Variants in IPCEF1 observed in about 807,000 individuals in gnomAD.
IPCEF1 encodes interaction protein for cytohesin exchange factors 1.
IPCEF1 carries 31 observed loss-of-function variants against 50.9 expected under a neutral mutation model. The ratio of observed to expected loss-of-function variants is 0.61; its 90% CI spans 0.46 to 0.82. IPCEF1 has a LOEUF of 0.82. Ranked by LOEUF, IPCEF1 falls within the 40% of genes least tolerant of loss-of-function variation. The probability of loss-of-function intolerance (pLI) is 0.00; values close to 1 mark genes in which losing one functional copy is unlikely to be tolerated. For missense variants in IPCEF1, 458 were observed against 514.0 expected (o/e 0.89, Z 1.05); for synonymous variants, 181 against 192.0 (o/e 0.94, Z 0.47).
At chr6:154,343,940 C>CTAAA (rs1783972859) in intron 1 of IPCEF1, among the ~76,000 whole-genome samples, 1 of 152,158 alleles carries the variant, frequency 6.6e-6, no homozygotes, top group Non-Finnish European at 1.5e-5. Context: ...TCACATATCC[C>CTAAA]CACGTGTGTA....
At chr6:154,341,624 C>A (rs1356852180) in intron 1 of IPCEF1, among the ~76,000 whole-genome samples, 3 of 152,156 alleles carry the variant, frequency 2.0e-5, no homozygotes, top group African/African-American at 7.2e-5. Flanking sequence ...CAAGCTTCCT[C>A]CTTTTTCATC....
chr6:154,350,293 C>T (rs1784099085), intron 1 of IPCEF1, among the ~76,000 whole-genome samples: 1 of 152,184 alleles, frequency 6.6e-6, no homozygotes, highest in African/African-American at 2.4e-5. Context: ...TAAATATCCC[C>T]CCCAAATAGA....
At chr6:154,255,019 T>C (rs2128647908) in intron 3 of IPCEF1, among the ~76,000 whole-genome samples, 1 of 152,336 alleles carries the variant, frequency 6.6e-6, no homozygotes, top group South Asian at 2.1e-4. Context: ...ATGACTACTC[T>C]CTTGTTATTG....
intron 10 of IPCEF1, among the ~76,000 whole-genome samples, chr6:154,181,171 A>G (rs1402018173): frequency 6.6e-6 from 1 of 152,142 alleles, no homozygotes; most frequent in Admixed American, 6.6e-5. Flanking sequence ...GATATATTTA[A>G]ATTATTTAAT....
chr6:154,293,828 T>G (rs1471767252), intron 1 of IPCEF1, among the ~76,000 whole-genome samples: 3 of 152,244 alleles, frequency 2.0e-5, no homozygotes, highest in African/African-American at 7.2e-5. Context: ...GTTGCACTGA[T>G]GATTGTGCTT....
chr6:154,308,319 C>T (rs1308623113), intron 1 of IPCEF1, among the ~76,000 whole-genome samples: 1 of 151,760 alleles, frequency 6.6e-6, no homozygotes, highest in Non-Finnish European at 1.5e-5. Context: ...TGTTTTTTTT[C>T]GCAGTGTTGA....
intron 2 of IPCEF1, among the ~76,000 whole-genome samples, chr6:154,274,755 C>T (rs1782012520): frequency 6.6e-6 from 1 of 152,170 alleles, no homozygotes; most frequent in African/African-American, 2.4e-5. Flanking sequence ...ACACCCTGGC[C>T]AATCCTCCTC....
chr6:154,282,486 T>G (rs917906784), intron 2 of IPCEF1, among the ~76,000 whole-genome samples: 9 of 151,882 alleles, frequency 5.9e-5, no homozygotes, highest in South Asian at 2.1e-4. Context: ...ATCGAGACCA[T>G]CCTGGCTAAC....
At chr6:154,326,221 CAAA>C (rs75214985) in intron 1 of IPCEF1, among the ~76,000 whole-genome samples, 5 of 99,120 alleles carry the variant, frequency 5.0e-5, no homozygotes, top group Non-Finnish European at 6.6e-5. Flanking sequence ...GACCTTGTCT[CAAA>C]AAAAAAAAAA....
intron 1 of IPCEF1, among the ~76,000 whole-genome samples, chr6:154,333,355 A>C (rs1253056422): frequency 1.3e-5 from 2 of 151,848 alleles, no homozygotes; most frequent in Non-Finnish European, 2.9e-5. Flanking sequence ...AGGCAGACAA[A>C]TATGAAAAGG....
At chr6:154,170,549 C>T (rs1026149620) in intron 10 of IPCEF1, among the ~76,000 whole-genome samples, 1 of 152,240 alleles carries the variant, frequency 6.6e-6, no homozygotes, top group South Asian at 2.1e-4. Context: ...AAATGTTCAT[C>T]AGCACAACCT....
intron 5 of IPCEF1, among the ~76,000 whole-genome samples, chr6:154,241,612 T>C (rs2128636747): frequency 6.6e-6 from 1 of 152,274 alleles, no homozygotes; most frequent in South Asian, 2.1e-4. Flanking sequence ...CTCACCCCTT[T>C]TTATTTGCGT....
intron 1 of IPCEF1, among the ~76,000 whole-genome samples, chr6:154,297,374 T>C (rs1782691245): frequency 1.3e-5 from 2 of 152,096 alleles, no homozygotes; most frequent in South Asian, 4.1e-4. Context: ...TTGGTCCTTC[T>C]GGCTTGTAGC....
At chr6:154,354,591 C>T (rs1354030852) in intron 1 of IPCEF1, among the ~76,000 whole-genome samples, 5 of 151,378 alleles carry the variant, frequency 3.3e-5, no homozygotes, top group Admixed American at 1.3e-4. Flanking sequence ...CCATCTCCAC[C>T]GTCACTTCCA....
intron 1 of IPCEF1, among the ~76,000 whole-genome samples, chr6:154,349,422 G>A (rs985951528): frequency 4.0e-5 from 6 of 151,276 alleles, no homozygotes; most frequent in African/African-American, 1.5e-4. Flanking sequence ...ACGAGGTCTT[G>A]CTATACGTTG....
chr6:154,276,700 T>A (rs1355112110), intron 2 of IPCEF1, among the ~76,000 whole-genome samples: 1 of 152,246 alleles, frequency 6.6e-6, no homozygotes, highest in African/African-American at 2.4e-5. Context: ...GAATAATCTT[T>A]GCCTTTTCAA....
intron 9 of IPCEF1, among the ~76,000 whole-genome samples, chr6:154,207,079 G>T (rs1177945549): frequency 2.0e-5 from 3 of 152,178 alleles, no homozygotes; most frequent in Non-Finnish European, 4.4e-5. Flanking sequence ...AGGGACTAGA[G>T]ACAGGGAAAG....
intron 3 of IPCEF1, among the ~76,000 whole-genome samples, chr6:154,265,527 C>T (rs1781733661): frequency 1.3e-5 from 2 of 152,106 alleles, no homozygotes; most frequent in African/African-American, 4.8e-5. Context: ...GATCTGCCCT[C>T]CTCGGCCTCC....
intron 1 of IPCEF1, among the ~76,000 whole-genome samples, chr6:154,331,300 AAAG>A (rs1010405325): frequency 3.8e-4 from 58 of 151,144 alleles, no homozygotes; most frequent in African/African-American, 1.3e-3. Context: ...AGAGAGAAAG[AAAG>A]AAAGAAAAGA....
Sources: allele counts gnomAD v4.1 joint callset (sites outside exome capture counted in the v4.1 genomes callset), GRCh38; gene constraint gnomAD v4.1.1; transcripts MANE v1.5; gene names NCBI Gene and HGNC (gene_info 2026-07-23, HGNC 2026-07-21).